CELSR1: variants seen among roughly 807,000 people sequenced by gnomAD.
CELSR1 encodes the protein adhesion G protein-coupled receptor C1.
In CELSR1, 110 loss-of-function variants were observed where a neutral mutation model predicts 249.1. The observed-to-expected ratio is 0.44, with a 90% CI of 0.38 to 0.52. The LOEUF (loss-of-function observed/expected upper bound fraction) is 0.52, where lower values mean the gene tolerates loss of function less well. CELSR1 is among the 20% of genes least tolerant of loss of function. CELSR1 has a pLI of 0.00. For synonymous variants in CELSR1, 2,113 were observed against 1,900.0 expected (o/e 1.11, Z -2.92); for missense variants, 4,109 against 4,296.4 (o/e 0.96, Z 1.22).
chr22:46,369,368 G>T, intron 26 of CELSR1, 110 bp from the exon 27 acceptor site: 1 of 929,454 alleles, frequency 1.1e-6, no homozygotes, highest in Non-Finnish European at 1.7e-6. Context: ...GCTGGGTGAG[G>T]AGGACCCGAA....
At chr22:46,455,062 G>A (rs573568166) in intron 2 of CELSR1, among the ~76,000 whole-genome samples, 10 of 152,268 alleles carry the variant, frequency 6.6e-5, no homozygotes, top group Middle Eastern at 3.4e-3. Flanking sequence ...GTGTGAAGAC[G>A]GAGGCGGAGA....
Position 46,441,626 on chromosome 22 carries a change from G to A in CELSR1, c.4184-2215C>T, listed in dbSNP as rs1002126978. On this transcript the variant is annotated intron_variant, in intron 2 of 34. Transcript: ENST00000674500. This position sits in a 1 kb window ranked among gnomAD's most constrained non-coding sequence, Gnocchi z 6.1. The stretch of plus-strand genomic sequence containing the variant: ...AGCTAGCAGACGGTGCCTTCTTGCC[G>A]CATAAGGGAGAGGGCTGTGGTCTCT... Among the ~76,000 whole-genome samples, 3 of 152,046 alleles carry A rather than the reference G, an allele frequency of 2.0e-5. No homozygotes were observed. Among genetic ancestry groups the A allele is most frequent in the South Asian group, 2.1e-4 (1 of 4,820 alleles).
At chr22:46,367,354 G>A (rs549430340) in intron 28 of CELSR1, among the ~76,000 whole-genome samples, 1 of 152,270 alleles carries the variant, frequency 6.6e-6, no homozygotes, top group Non-Finnish European at 1.5e-5. Flanking sequence ...GGCAGTGAGG[G>A]CCCCGGCTCA....
At chr22:46,460,305 T>C (rs2080010173) in intron 2 of CELSR1, among the ~76,000 whole-genome samples, 1 of 151,856 alleles carries the variant, frequency 6.6e-6, no homozygotes, top group South Asian at 2.1e-4. Context: ...AACAAAAGCA[T>C]CAGCAAGGCA....
Position 46,493,002 on chromosome 22 carries a change from G to A in CELSR1, c.3545-28657C>T, listed in dbSNP as rs1450763328. Among the ~76,000 whole-genome samples, 3 of 152,198 alleles carry A rather than the reference G, an allele frequency of 2.0e-5. No individual in the cohort carries two copies. In the East Asian group the frequency reaches 5.8e-4, roughly 29 times the overall value. ...CACGTGTCTATAATCCCAGTGCTTT[G>A]GGAAACCGAGATGGGAGGATCGCTT... On this transcript the variant is annotated intron_variant, in intron 1 of 34. Transcript: ENST00000674500.
At chr22:46,387,306 G>T (rs1284576387) in intron 18 of CELSR1, among the ~76,000 whole-genome samples, 2 of 152,154 alleles carry the variant, frequency 1.3e-5, no homozygotes, top group African/African-American at 2.4e-5. Flanking sequence ...GAATTTCATG[G>T]TCTAAGTTTA....
chr22:46,361,944 AAC>A lies in CELSR1; in HGVS notation c.*1277_*1278del, dbSNP rs2078709003. 1.3e-5 allele frequency: 2 copies of A among 152,240 alleles called. No individual in the cohort carries two copies. Among genetic ancestry groups the A allele is most frequent in the African/African-American group, 2.4e-5 (1 of 41,458 alleles). 9.4% of individuals were successfully genotyped at this position (152,240 alleles called of 1,614,324 possible). On this transcript the variant is annotated 3_prime_UTR_variant, in exon 35 of 35. Coordinates refer to ENST00000674500, the MANE Select transcript of CELSR1 (RefSeq NM_001378328.1). ...CCCGACCTTGGTGTGAATTTCCAAAAACAGTTTGGTAACCGTTGAAGAGTGTG... is the reference window on the plus strand; with the variant it reads ...CCCGACCTTGGTGTGAATTTCCAAAAAGTTTGGTAACCGTTGAAGAGTGTG...
Position 46,488,555 on chromosome 22 carries a change from G to C in CELSR1, c.3545-24210C>G, listed in dbSNP as rs1037614892. On this transcript the variant is annotated intron_variant, in intron 1 of 34. Coordinates refer to ENST00000674500, the MANE Select transcript of CELSR1 (RefSeq NM_001378328.1). The surrounding 1 kb of genome is among the most constrained non-coding windows in gnomAD (Gnocchi z 4.7). ...GCCAGAGGGAAGCCCCACAGGCCTA[G>C]CTGAGGGACACAAAAAGAACAAACG... Among the ~76,000 whole-genome samples, 3 of 152,190 alleles carry C rather than the reference G, an allele frequency of 2.0e-5. No individual in the cohort carries two copies. Among genetic ancestry groups the C allele is most frequent in the African/African-American group, 7.2e-5 (3 of 41,442 alleles).
intron 18 of CELSR1, among the ~76,000 whole-genome samples, chr22:46,388,489 C>G (rs1036390937): frequency 2.6e-5 from 4 of 152,154 alleles, no homozygotes; most frequent in African/African-American, 9.7e-5. Flanking sequence ...TCTCTGGCGG[C>G]CTTATGCAGA....
At chr22:46,400,727 G>T (rs1001474278) in intron 9 of CELSR1, among the ~76,000 whole-genome samples, 3 of 152,158 alleles carry the variant, frequency 2.0e-5, no homozygotes, top group African/African-American at 7.2e-5. Flanking sequence ...CAAGGCGGGT[G>T]GATTGCTTGA....
At position 46,533,967 on chromosome 22, in the gene CELSR1, C is replaced by T; in HGVS notation, c.3204G>A (p.Arg1068=). 1.2e-6 allele frequency: 2 copies of T among 1,613,524 alleles called. No individual in the cohort carries two copies. The highest frequency in any genetic ancestry group is 1.7e-6 in the Non-Finnish European group (2 of 1,180,030). The change falls in exon 1 of 35, where the codon CGG becomes CGA. Residue 1068 remains arginine (R), a synonymous_variant. Coordinates refer to ENST00000674500, the MANE Select transcript of CELSR1 (RefSeq NM_001378328.1). ...AMVELDFEVR[R]EYVLVVQATS... is the part of the protein sequence containing the mutation. ...TGGCCTGCACCACCAGCACATACTC[C>T]CGCCGGACCTCAAAGTCCAGCTCCA...
In CELSR1 at chr22:46,394,277, A is replaced by T; in HGVS notation, c.5844-15T>A. On this transcript the variant is annotated splice_polypyrimidine_tract_variant and intron_variant, in intron 13 of 34. Transcript: ENST00000674500. ...GAAGGTCGAGTCTGTGGGGAAAATA[A>T]GAGGGCAGCTGGAAGGTTTATGTAA... The T allele has an allele frequency of 6.2e-7, 1 of 1,610,172 alleles. No individual in the cohort carries two copies. Among genetic ancestry groups the T allele is most frequent in the Non-Finnish European group, 8.5e-7 (1 of 1,178,420 alleles).
At position 46,527,373 on chromosome 22, in the gene CELSR1, G is replaced by A. The variant is rs1245996491; in HGVS notation, c.3544+6254C>T. The stretch of plus-strand genomic sequence containing the variant: ...AGCTCTTGCCTAAATCCTCCCGAGG[G>A]GGCCCACCAAACCCTCCACAGTCAG... On this transcript the variant is annotated intron_variant, in intron 1 of 34. Transcript: ENST00000674500. The surrounding 1 kb of genome is among the most constrained non-coding windows in gnomAD (Gnocchi z 5.5). 6.6e-6 allele frequency among the ~76,000 whole-genome samples: 1 copy of A among 152,098 alleles called. No homozygotes were observed. The highest frequency in any genetic ancestry group is 1.5e-5 in the Non-Finnish European group (1 of 68,012).
rs1210963956 is a variant in CELSR1 at position 46,447,939 on chromosome 22, CA to C, written c.4184-8529del. Among the ~76,000 whole-genome samples, 2 of 152,298 alleles carry C rather than the reference CA, an allele frequency of 1.3e-5. No homozygotes were observed. The highest frequency in any genetic ancestry group is 1.9e-4 in the East Asian group (1 of 5,188). ...CCGGCCAGAAAAGCATTCTTAACGG[CA>C]AAAGAAAAGCTCCCAGGAGCCAAGG... is the stretch of plus-strand genomic sequence containing the variant. On this transcript the variant is annotated intron_variant, in intron 2 of 34. Coordinates refer to ENST00000674500, the MANE Select transcript of CELSR1 (RefSeq NM_001378328.1). The surrounding 1 kb of genome is among the most constrained non-coding windows in gnomAD (Gnocchi z 4.7).
In CELSR1 at chr22:46,384,580, G is replaced by A. The variant is rs146846163; in HGVS notation, c.6846C>T (p.Ser2282=). 272 of 1,613,390 alleles carry A rather than the reference G, an allele frequency of 1.7e-4. No individual in the cohort carries two copies. The African/African-American group carries it at 2.9e-3, about 17-fold the overall frequency. Reference sequence around the variant, plus strand: ...GTGGTCTGAAGAAGTCGGCTGGGAAGGAGACGGAGGACTCCAGCTCCCTGG... The same window carrying A: ...GTGGTCTGAAGAAGTCGGCTGGGAAAGAGACGGAGGACTCCAGCTCCCTGG... ...EFPRELESSV[S]FPADFFRPPE... is the part of the protein sequence containing the mutation. The change falls in exon 20 of 35, where the codon TCC becomes TCT. Residue 2282 remains serine (S), a synonymous_variant. Transcript: ENST00000674500.
chr22:46,418,662 C>A (rs1393068825), intron 5 of CELSR1, among the ~76,000 whole-genome samples: 3 of 152,204 alleles, frequency 2.0e-5, no homozygotes, highest in Non-Finnish European at 4.4e-5. Flanking sequence ...GGAGTTCGGG[C>A]ACTGGCCCGC....
intron 1 of CELSR1, among the ~76,000 whole-genome samples, chr22:46,479,091 G>A (rs1176332857): frequency 1.3e-5 from 2 of 151,756 alleles, no homozygotes; most frequent in Non-Finnish European, 2.9e-5. Flanking sequence ...GCCTCCCTCT[G>A]CGTGCCCCTG....
At position 46,388,598 on chromosome 22, in the gene CELSR1, C is replaced by A. The variant is rs368191445; in HGVS notation, c.6555+692G>T. On this transcript the variant is annotated intron_variant, in intron 18 of 34. Transcript: ENST00000674500. Reference sequence around the variant, plus strand: ...GGGATGGGTGGGAGGGACAGGGTGTCCCCCATGGGCTCTGTGTGGACAGGC... The same window carrying A: ...GGGATGGGTGGGAGGGACAGGGTGTACCCCATGGGCTCTGTGTGGACAGGC... Among the ~76,000 whole-genome samples the A allele has an allele frequency of 3.2e-3, 493 of 152,132 alleles. 2 individuals are homozygous for A. The highest frequency in any genetic ancestry group is 4.8e-3 in the Non-Finnish European group (327 of 67,980).
chr22:46,430,823 T>G lies in CELSR1; in HGVS notation c.4611+2570A>C, dbSNP rs1602125630. 6.6e-6 allele frequency among the ~76,000 whole-genome samples: 1 copy of G among 151,852 alleles called. No homozygotes were observed. Among genetic ancestry groups the G allele is most frequent in the South Asian group, 2.1e-4 (1 of 4,792 alleles). On this transcript the variant is annotated intron_variant, in intron 5 of 34. Transcript: ENST00000674500. The surrounding 1 kb of genome is among the most constrained non-coding windows in gnomAD (Gnocchi z 4.6). ...GCTCAGGTGCACTCCAGAGGAGGCC[T>G]CTGCACCTGGGTTTGTCAGAGCTGC...
Sources: gnomAD v4.1 joint callset for allele counts (sites outside exome capture counted in the v4.1 genomes callset) on GRCh38, gnomAD v4.1.1 for gene constraint, Gnocchi (gnomAD v3.1) non-coding constraint, MANE v1.5 for transcripts, NCBI Gene and HGNC (gene_info 2026-07-23, HGNC 2026-07-21) for gene names.